GRID1: variants seen among roughly 807,000 people sequenced by gnomAD.
GRID1 encodes the protein glutamate receptor ionotropic, delta-1.
Under a neutral mutation model 98.0 loss-of-function variants are expected in GRID1, and 28 were observed. That is an observed-to-expected ratio of 0.29 (90% CI 0.21 to 0.39). The LOEUF (loss-of-function observed/expected upper bound fraction) is 0.39. Among genes scored for constraint, GRID1 ranks in the 10% least tolerant of loss-of-function variants. GRID1 has a pLI of 1.00. For synonymous variants in GRID1, 553 were observed against 538.5 expected, an observed-to-expected ratio of 1.03 and a Z score of -0.37; for missense variants, 1,111 against 1,340.5, an observed-to-expected ratio of 0.83 and a Z score of 2.67.
intron 8 of GRID1, among the ~76,000 whole-genome samples, chr10:85,761,739 G>C (rs1341117570): frequency 6.6e-6 from 1 of 152,134 alleles, no homozygotes; most frequent in Non-Finnish European, 1.5e-5. Context: ...AACACACTCT[G>C]AACACTTTAG....
At chr10:85,618,673 C>T (rs1461892444) in intron 14 of GRID1, among the ~76,000 whole-genome samples, 1 of 152,200 alleles carries the variant, frequency 6.6e-6, no homozygotes, top group Non-Finnish European at 1.5e-5. Context: ...TCCTCCTCAG[C>T]CTTCCCTTGG....
rs918537211 is a variant in GRID1, at chr10:85,854,088, C to T, written c.1233+408G>A. Among the ~76,000 whole-genome samples, 4 of 152,204 alleles carry T rather than the reference C, an allele frequency of 2.6e-5. No individual in the cohort carries two copies. In the South Asian group the frequency reaches 8.3e-4, roughly 32 times the overall value. On this transcript the variant is annotated intron_variant, in intron 8 of 15. Coordinates refer to ENST00000327946, the MANE Select transcript of GRID1 (RefSeq NM_017551.3). The stretch of plus-strand genomic sequence containing the variant: ...ATTTTCTGTTTGTGGCCTTGTCTCA[C>T]TCCTGGATCTGGAGGACACTCAGGC...
intron 4 of GRID1, among the ~76,000 whole-genome samples, chr10:86,023,768 C>T (rs909819041): frequency 6.6e-6 from 1 of 152,162 alleles, no homozygotes; most frequent in African/African-American, 2.4e-5. Flanking sequence ...CAGACTCCGC[C>T]TTATATCTCA....
At chr10:85,705,024 T>C (rs1227138945) in intron 12 of GRID1, among the ~76,000 whole-genome samples, 1 of 152,112 alleles carries the variant, frequency 6.6e-6, no homozygotes, top group Non-Finnish European at 1.5e-5. Context: ...GCAGGAAAGA[T>C]CTAAAATTGA....
At chr10:85,838,943 G>GA (rs34488956) in intron 8 of GRID1, among the ~76,000 whole-genome samples, 22,451 of 151,890 alleles carry the variant, frequency 0.15, 1,925 homozygotes, top group African/African-American at 0.21. Context: ...ATAAAGAAAG[G>GA]AAAAAAATCT....
chr10:86,179,389 G>T (rs750903141), intron 3 of GRID1, among the ~76,000 whole-genome samples: 3 of 151,820 alleles, frequency 2.0e-5, no homozygotes, highest in Non-Finnish European at 4.4e-5. Flanking sequence ...GGCTCTCCCC[G>T]ATGGCGTGCC....
intron 2 of GRID1, among the ~76,000 whole-genome samples, chr10:86,215,510 T>A (rs1054048150): frequency 6.6e-6 from 1 of 152,206 alleles, no homozygotes; most frequent in Non-Finnish European, 1.5e-5. Flanking sequence ...CAATGAAACG[T>A]TAGGCTCCCC....
intron 8 of GRID1, among the ~76,000 whole-genome samples, chr10:85,853,343 T>A (rs1226941835): frequency 6.6e-6 from 1 of 152,222 alleles, no homozygotes; most frequent in African/African-American, 2.4e-5. Context: ...TGCTGAGGGC[T>A]TATCCAGCCC....
intron 3 of GRID1, among the ~76,000 whole-genome samples, chr10:86,190,592 G>A (rs1480158324): frequency 6.6e-6 from 1 of 152,244 alleles, no homozygotes; most frequent in African/African-American, 2.4e-5. Flanking sequence ...TCCTGCAGGT[G>A]TGCAGGGCCC....
intron 13 of GRID1, among the ~76,000 whole-genome samples, chr10:85,624,680 G>GA (rs368847575): frequency 6.6e-6 from 1 of 152,112 alleles, no homozygotes; most frequent in Non-Finnish European, 1.5e-5. Flanking sequence ...AAGAAACTGT[G>GA]AAAAAAATGT....
chr10:86,089,831 C>T (rs1259046313), intron 4 of GRID1, among the ~76,000 whole-genome samples: 1 of 151,956 alleles, frequency 6.6e-6, no homozygotes, highest in Non-Finnish European at 1.5e-5. Context: ...ACTGCAACCT[C>T]CACCTCCCAG....
chr10:86,186,278 G>T (rs1738548666), intron 3 of GRID1, among the ~76,000 whole-genome samples: 1 of 152,124 alleles, frequency 6.6e-6, no homozygotes, highest in African/African-American at 2.4e-5. Context: ...TCTCATTTCT[G>T]AAGTTGGTAA....
chr10:85,974,459 T>C (rs1464443187), intron 4 of GRID1, among the ~76,000 whole-genome samples: 2 of 152,234 alleles, frequency 1.3e-5, no homozygotes, highest in African/African-American at 4.8e-5. Flanking sequence ...TTTTTAATTA[T>C]AGACCAAATG....
At chr10:86,026,457 A>T (rs1843118456) in intron 4 of GRID1, among the ~76,000 whole-genome samples, 1 of 152,200 alleles carries the variant, frequency 6.6e-6, no homozygotes, top group African/African-American at 2.4e-5. Flanking sequence ...AGAGGAACGG[A>T]GGATGAGGGT....
At chr10:85,997,098 T>C (rs925375093) in intron 4 of GRID1, among the ~76,000 whole-genome samples, 1 of 152,106 alleles carries the variant, frequency 6.6e-6, no homozygotes, top group African/African-American at 2.4e-5. Flanking sequence ...ATGTGATAGC[T>C]AAAAGTAAAA....
rs1217169263 is a variant in GRID1, at chr10:86,337,835, G to A, written c.235+26106C>T. Among the ~76,000 whole-genome samples, 3 of 149,902 alleles carry A rather than the reference G, an allele frequency of 2.0e-5. 1 individual carries two copies. The highest frequency in any genetic ancestry group is 4.4e-5 in the Non-Finnish European group (3 of 67,754). On this transcript the variant is annotated intron_variant, in intron 2 of 15. Transcript: ENST00000327946. ...TGATTCTCCTGCCTCAGCCTCCCGA[G>A]TAGCTGGGATTACAGGCGCCCGCCA...
intron 2 of GRID1, among the ~76,000 whole-genome samples, chr10:86,318,830 C>A (rs1847932532): frequency 6.6e-6 from 1 of 152,190 alleles, no homozygotes; most frequent in Admixed American, 6.5e-5. Context: ...AGACTTAGAA[C>A]CTGTTCTCAT....
At chr10:86,243,834 G>A (rs1166332687) in intron 2 of GRID1, among the ~76,000 whole-genome samples, 2 of 152,190 alleles carry the variant, frequency 1.3e-5, no homozygotes, top group Non-Finnish European at 2.9e-5. Context: ...GCGGGCAGAT[G>A]TCACGGCCGA....
chr10:85,852,368 G>T (rs953295956), intron 8 of GRID1, among the ~76,000 whole-genome samples: 2 of 152,172 alleles, frequency 1.3e-5, no homozygotes, highest in Non-Finnish European at 2.9e-5. Flanking sequence ...CATTGCCTTG[G>T]CAACGTGGAA....
Sources: allele counts gnomAD v4.1 joint callset (sites outside exome capture counted in the v4.1 genomes callset), GRCh38; gene constraint gnomAD v4.1.1; transcripts MANE v1.5; gene names NCBI Gene and HGNC (gene_info 2026-07-23, HGNC 2026-07-21).